DCDC2: variants seen among roughly 807,000 people sequenced by gnomAD.
The protein encoded by DCDC2 is doublecortin domain-containing protein 2.
In DCDC2, 40 loss-of-function variants were observed where a neutral mutation model predicts 50.2. That is an observed-to-expected ratio of 0.80 (90% CI 0.62 to 1.04). The LOEUF is 1.04. DCDC2 is among the 50% of genes least tolerant of loss of function. The pLI is 0.00. For synonymous variants in DCDC2, 234 were observed against 210.6 expected (o/e 1.11, Z -0.96); for missense variants, 570 against 581.9 (o/e 0.98, Z 0.21).
rs542992311 is a variant in DCDC2 at position 24,257,819 on chromosome 6, T to C, written c.922+20230A>G. 1.4e-4 allele frequency among the ~76,000 whole-genome samples: 22 copies of C among 151,976 alleles called. No homozygotes were observed. The East Asian group carries it at 4.3e-3, about 29-fold the overall frequency. ...AGATAGGGAGGGAGCTTGGAGACCA[T>C]CTGGAAAAAAGGCTGCAGTAGTCTG... On this transcript the variant is annotated intron_variant, in intron 7 of 9. Coordinates refer to ENST00000378454, the MANE Select transcript of DCDC2 (RefSeq NM_016356.5).
At chr6:24,371,270 C>T in the DCDC2 span, among the ~76,000 whole-genome samples, 1 of 97,360 alleles carries the variant, frequency 1.0e-5, no homozygotes, top group Admixed American at 1.1e-4. Flanking sequence ...GTGTGACACT[C>T]CATCTCAAAA....
intron 7 of DCDC2, among the ~76,000 whole-genome samples, chr6:24,206,786 T>C (rs1761724662): frequency 6.6e-6 from 1 of 152,202 alleles, no homozygotes; most frequent in Admixed American, 6.5e-5. Context: ...ACCATAAGGA[T>C]ATAAACAGCA....
At chr6:24,316,176 C>A (rs73726652) in intron 2 of DCDC2, among the ~76,000 whole-genome samples, 16,548 of 152,078 alleles carry the variant, frequency 0.11, 1,175 homozygotes, top group African/African-American at 0.2. Flanking sequence ...TGCAGGCAGG[C>A]TGGGGCTCCA....
intron 2 of DCDC2, among the ~76,000 whole-genome samples, chr6:24,315,956 G>A (rs1759652596): frequency 6.6e-6 from 1 of 152,196 alleles, no homozygotes; most frequent in Admixed American, 6.5e-5. Context: ...AAAGAAAAGT[G>A]GGTGAAGCCT....
Position 24,174,452 on chromosome 6 carries a change from T to C in DCDC2, c.*278A>G, listed in dbSNP as rs1162120995. The C allele has an allele frequency of 2.6e-5, 4 of 155,354 alleles. No individual in the cohort carries two copies. The highest frequency in any genetic ancestry group is 9.1e-5 in the Admixed American group (1 of 11,004). The allele number at this position is 155,354 out of a possible 1,614,324, so 9.6% of individuals were successfully genotyped here. On this transcript the variant is annotated 3_prime_UTR_variant, in exon 10 of 10. Transcript: ENST00000378454. ...AAGAGTGATCCTATTTTTCATCCTT[T>C]ACAAGTGGCAATTGTCTTCCAGTGC...
At position 24,173,096 on chromosome 6, in the gene DCDC2, G is replaced by A. The variant is rs1760821325; in HGVS notation, c.*1634C>T. 6.6e-6 allele frequency: 1 copy of A among 151,674 alleles called. No individual in the cohort carries two copies. Among genetic ancestry groups the A allele is most frequent in the South Asian group, 2.1e-4 (1 of 4,810 alleles). 9.4% of individuals were successfully genotyped at this position (151,674 alleles called of 1,614,324 possible). On this transcript the variant is annotated 3_prime_UTR_variant, in exon 10 of 10. Coordinates refer to ENST00000378454, the MANE Select transcript of DCDC2 (RefSeq NM_016356.5). ...CACAGTGCTTTATATCATCCCATTT[G>A]AAAAAGTAACGCTAGTAGAAAGCAC...
chr6:24,178,807 T>A (rs546134827), intron 8 of DCDC2, among the ~76,000 whole-genome samples, 175 bp from the exon 9 acceptor site: 4 of 152,186 alleles, frequency 2.6e-5, no homozygotes, highest in Non-Finnish European at 5.9e-5. Context: ...ACATGCCACA[T>A]GTTACAAGCA....
At chr6:24,306,802 A>G (rs1759484430) in intron 2 of DCDC2, among the ~76,000 whole-genome samples, 2 of 152,342 alleles carry the variant, frequency 1.3e-5, no homozygotes, top group South Asian at 2.1e-4. Flanking sequence ...GTAAGTTTAC[A>G]TAAGTAATTT....
chr6:24,338,134 AC>A (rs1413341444), intron 2 of DCDC2, among the ~76,000 whole-genome samples: 1 of 152,222 alleles, frequency 6.6e-6, no homozygotes, highest in Non-Finnish European at 1.5e-5. Flanking sequence ...CAGAATAATA[AC>A]AATCCCTACT....
At chr6:24,305,898 A>G (rs707866) in intron 2 of DCDC2, among the ~76,000 whole-genome samples, 117,087 of 151,932 alleles carry the variant, frequency 0.77, 47,714 homozygotes, top group East Asian at 0.99. Flanking sequence ...GCGTGGTGGT[A>G]TGCACCTGTA....
chr6:24,331,672 C>T (rs1296231400), intron 2 of DCDC2, among the ~76,000 whole-genome samples: 3 of 151,998 alleles, frequency 2.0e-5, no homozygotes, highest in Admixed American at 1.3e-4. Flanking sequence ...TATAAAGTAA[C>T]TTCTTTTAGA....
At chr6:24,346,663 A>G (rs192183484) in intron 2 of DCDC2, among the ~76,000 whole-genome samples, 1 of 151,938 alleles carries the variant, frequency 6.6e-6, no homozygotes, top group East Asian at 1.9e-4. Flanking sequence ...TAAGGCATGG[A>G]GAATCGCTTG....
chr6:24,299,244 C>A (rs1347936294), intron 4 of DCDC2, among the ~76,000 whole-genome samples: 1 of 152,110 alleles, frequency 6.6e-6, no homozygotes, highest in African/African-American at 2.4e-5. Context: ...GAACAGAAAA[C>A]CAAATACTAC....
intron 6 of DCDC2, among the ~76,000 whole-genome samples, chr6:24,285,179 C>T (rs576541761): frequency 1.3e-5 from 2 of 152,172 alleles, no homozygotes; most frequent in East Asian, 3.9e-4. Flanking sequence ...GAATGGATGA[C>T]GGATGGAGTG....
intron 8 of DCDC2, among the ~76,000 whole-genome samples, chr6:24,195,429 G>A (rs925209350): frequency 2.6e-5 from 4 of 152,188 alleles, no homozygotes; most frequent in East Asian, 3.9e-4. Flanking sequence ...CCACTCTTAA[G>A]TGTACAAATC....
upstream of DCDC2, chr6:24,358,150 A>C: frequency 2.1e-6 from 1 of 487,554 alleles, no homozygotes; most frequent in East Asian, 3.3e-5. Context: ...ACACACACAA[A>C]TATGGTGAAA....
intron 7 of DCDC2, among the ~76,000 whole-genome samples, chr6:24,216,280 C>T (rs1761973393): frequency 6.6e-6 from 1 of 150,392 alleles, no homozygotes; most frequent in Non-Finnish European, 1.5e-5. Context: ...AAGGGATGGG[C>T]AGAAGAGAAA....
At chr6:24,205,407 A>T in intron 7 of DCDC2, 1 of 1,326,212 alleles carries the variant, frequency 7.5e-7, no homozygotes, top group Non-Finnish European at 1.0e-6. Context: ...TGAGATGAGA[A>T]GAAATTCACA....
chr6:24,370,801 T>G, the DCDC2 span, among the ~76,000 whole-genome samples: 1 of 152,106 alleles, frequency 6.6e-6, no homozygotes, highest in Non-Finnish European at 1.5e-5. Context: ...ACATGAATGT[T>G]CATAGAAGCA....
Sources: allele counts gnomAD v4.1 joint callset (sites outside exome capture counted in the v4.1 genomes callset), GRCh38; gene constraint gnomAD v4.1.1; transcripts MANE v1.5; gene names NCBI Gene and HGNC (gene_info 2026-07-23, HGNC 2026-07-21).